Variants in FAM135A observed in about 807,000 individuals in gnomAD.
FAM135A encodes the protein protein FAM135A.
A neutral mutation model predicts 146.8 loss-of-function variants in FAM135A; 79 were observed. The observed-to-expected ratio is 0.54, with a 90% CI of 0.45 to 0.65. FAM135A has a LOEUF of 0.65. Among genes scored for constraint, FAM135A ranks in the 30% least tolerant of loss-of-function variants. The probability of loss-of-function intolerance (pLI) is 0.00; values close to 1 mark genes in which losing one functional copy is unlikely to be tolerated. For synonymous variants in FAM135A, 562 were observed against 603.6 expected (o/e 0.93, Z 1.01); for missense variants, 1,623 against 1,758.2 (o/e 0.92, Z 1.38).
rs140429246 is a variant in FAM135A at position 70,493,824 on chromosome 6, G to A, written c.873+2741G>A. Among the ~76,000 whole-genome samples the A allele has an allele frequency of 7.9e-3, 1,203 of 152,190 alleles. 7 individuals carry two copies. Among genetic ancestry groups the A allele is most frequent in the Non-Finnish European group, 0.013 (903 of 68,000 alleles). On this transcript the variant is annotated intron_variant, in intron 11 of 21. Transcript: ENST00000418814. ...TCCCAGCACTTTGGGAAGCCGAAGC[G>A]GGCGGATCACCTGAGGTCAGGAGTT... is the stretch of plus-strand genomic sequence containing the variant.
At chr6:70,423,538 G>T (rs551267963) in intron 2 of FAM135A, among the ~76,000 whole-genome samples, 17 of 152,284 alleles carry the variant, frequency 1.1e-4, no homozygotes, top group African/African-American at 3.6e-4. Context: ...TGTCAAGTTG[G>T]TATTCCAGCC....
intron 5 of FAM135A, among the ~76,000 whole-genome samples, chr6:70,454,952 TC>T (rs1777990077): frequency 6.6e-6 from 1 of 152,202 alleles, no homozygotes. Flanking sequence ...AGTAGTTTTT[TC>T]CAATTCTGTG....
intron 5 of FAM135A, among the ~76,000 whole-genome samples, chr6:70,459,340 G>A (rs1364691649): frequency 6.6e-6 from 1 of 152,148 alleles, no homozygotes; most frequent in African/African-American, 2.4e-5. Context: ...TGAGTGGGAT[G>A]GGAATTAGAT....
chr6:70,502,820 A>G, intron 12 of FAM135A, 29 bp downstream of exon 12: 1 of 1,592,006 alleles, frequency 6.3e-7, no homozygotes, highest in Non-Finnish European at 8.6e-7. Flanking sequence ...ATTTTAGAGC[A>G]TTTTAATGAG....
intron 3 of FAM135A, among the ~76,000 whole-genome samples, chr6:70,427,377 C>A (rs980982954): frequency 6.6e-6 from 1 of 151,946 alleles, no homozygotes; most frequent in African/African-American, 2.4e-5. Context: ...ACTAAAAATA[C>A]AAAAATTAGC....
chr6:70,514,244 CTT>C (rs1235719889), intron 12 of FAM135A, among the ~76,000 whole-genome samples: 1 of 152,020 alleles, frequency 6.6e-6, no homozygotes, highest in Non-Finnish European at 1.5e-5. Flanking sequence ...TTCATTAACT[CTT>C]TTCTGTAGCA....
At chr6:70,431,209 A>C (rs909453436) in intron 4 of FAM135A, among the ~76,000 whole-genome samples, 1 of 152,162 alleles carries the variant, frequency 6.6e-6, no homozygotes, top group African/African-American at 2.4e-5. Context: ...TAATGCAGCT[A>C]ACCACAAACA....
chr6:70,482,019 G>A lies in FAM135A; in HGVS notation c.688G>A (p.Ala230Thr). The change falls in exon 10 of 22, where the codon GCA (alanine) becomes ACA (threonine). Residue 230 changes from alanine (A) to threonine (T), a missense_variant. By Grantham distance (58) the Ala-to-Thr change is moderately conservative. Around this residue, in one of 7 missense-constraint regions of FAM135A, gnomAD observed 206 missense variants for 194.7 expected, o/e 1.06. Coordinates refer to ENST00000418814, the MANE Select transcript of FAM135A (RefSeq NM_001162529.3). ...TGTTTAGGGTTGTAGCTTCATCATT[G>A]CAGACTCCTTCCTACATCATGCGTA... ...LSPDGCSFIIADSFLHHAYRF... is the reference protein window; with the variant it reads ...LSPDGCSFIITDSFLHHAYRF... The A allele has an allele frequency of 6.2e-7, 1 of 1,612,724 alleles. No homozygotes were observed. Among genetic ancestry groups the A allele is most frequent in the Non-Finnish European group, 8.5e-7 (1 of 1,179,286 alleles).
In FAM135A at chr6:70,462,305, G is replaced by A. The variant is rs190768068; in HGVS notation, c.157+9734G>A. Among the ~76,000 whole-genome samples the A allele has an allele frequency of 2.2e-3, 330 of 152,286 alleles. 2 individuals are homozygous for A. The Middle Eastern group carries it at 0.041, about 19-fold the overall frequency. Reference sequence around the variant, plus strand: ...TGACATTGACGGCCAAGCACAGGCTGTGGCACAAACAGCTGTGGCATTTGA... The same window carrying A: ...TGACATTGACGGCCAAGCACAGGCTATGGCACAAACAGCTGTGGCATTTGA... On this transcript the variant is annotated intron_variant, in intron 5 of 21. Coordinates refer to ENST00000418814, the MANE Select transcript of FAM135A (RefSeq NM_001162529.3).
At chr6:70,486,118 T>G in intron 10 of FAM135A, 1 of 1,529,156 alleles carries the variant, frequency 6.5e-7, no homozygotes, top group African/African-American at 1.4e-5. Context: ...GTAAGTTTTG[T>G]TGTGAAAGGA....
At chr6:70,524,197 A>G (rs2128346818) in intron 14 of FAM135A, 76 bp downstream of exon 14, 1 of 1,439,018 alleles carries the variant, frequency 6.9e-7, no homozygotes, top group South Asian at 1.4e-5. Flanking sequence ...ACATAAAACC[A>G]TTCCCTAATG....
intron 4 of FAM135A, among the ~76,000 whole-genome samples, chr6:70,448,534 C>T (rs1376295120): frequency 6.6e-6 from 1 of 152,104 alleles, no homozygotes; most frequent in Non-Finnish European, 1.5e-5. Flanking sequence ...ATTCGAGCCC[C>T]CGTGATGGAC....
chr6:70,528,525 A>G, intron 16 of FAM135A, 73 bp downstream of exon 16: 2 of 1,320,494 alleles, frequency 1.5e-6, no homozygotes, highest in Non-Finnish European at 9.9e-7. Flanking sequence ...ATTTAGTTTC[A>G]TTTAGTCTTT....
intron 21 of FAM135A, chr6:70,557,675 C>T (rs1444646948): frequency 3.0e-5 from 3 of 99,026 alleles, no homozygotes; most frequent in East Asian, 3.1e-4. Context: ...GCCTGAGAGA[C>T]AAGAACGAAA....
chr6:70,536,353 G>C lies in FAM135A; in HGVS notation c.4059G>C (p.Leu1353=). ...ACCTCAACAAACTTCATACCTTTCT[G>C]TCTCTTTCTGGACCTCACCTTGGTA... ...KYYLNKLHTF[L]SLSGPHLGTL... is the part of the protein sequence containing the mutation. Residue 1353 remains leucine, a synonymous_variant, in exon 19 of 22, where the codon CTG becomes CTC. Coordinates refer to ENST00000418814, the MANE Select transcript of FAM135A (RefSeq NM_001162529.3). The C allele has an allele frequency of 6.2e-7, 1 of 1,613,304 alleles. No homozygotes were observed. Among genetic ancestry groups the C allele is most frequent in the Non-Finnish European group, 8.5e-7 (1 of 1,179,674 alleles).
At chr6:70,486,809 T>A (rs1784747340) in intron 10 of FAM135A, among the ~76,000 whole-genome samples, 1 of 152,162 alleles carries the variant, frequency 6.6e-6, no homozygotes, top group East Asian at 1.9e-4. Context: ...ATGTCTGTAA[T>A]CCCAGCTACT....
At chr6:70,428,535 G>A in intron 4 of FAM135A, 116 bp downstream of exon 4, 2 of 561,150 alleles carry the variant, frequency 3.6e-6, no homozygotes, top group Non-Finnish European at 5.6e-6. Context: ...CTATATTCAA[G>A]TAATTATTTT....
intron 4 of FAM135A, among the ~76,000 whole-genome samples, chr6:70,449,658 T>A (rs1776613392): frequency 6.6e-6 from 1 of 152,196 alleles, no homozygotes; most frequent in Admixed American, 6.5e-5. Flanking sequence ...TATCTAGTCA[T>A]CCATTGATAA....
chr6:70,438,946 C>T (rs1582106450), intron 4 of FAM135A, among the ~76,000 whole-genome samples: 1 of 152,232 alleles, frequency 6.6e-6, no homozygotes, highest in East Asian at 1.9e-4. Flanking sequence ...CTCTTGAACC[C>T]AGGAGCTTGA....
Sources: gnomAD v4.1 joint callset for allele counts (sites outside exome capture counted in the v4.1 genomes callset) on GRCh38, gnomAD v4.1.1 for gene constraint, gnomAD v4.1.1 regional missense constraint, MANE v1.5 for transcripts, NCBI Gene and HGNC (gene_info 2026-07-23, HGNC 2026-07-21) for gene names.